HMCN2: variants seen among roughly 807,000 people sequenced by gnomAD.
HMCN2 encodes the protein hemicentin 2, also known as hemicentin-2.
In HMCN2, 325 loss-of-function variants were observed where a neutral mutation model predicts 377.5. That is an observed-to-expected ratio of 0.86 (90% CI 0.79 to 0.94). HMCN2 has a LOEUF of 0.94. Among genes scored for constraint, HMCN2 ranks in the 40% least tolerant of loss-of-function variants. HMCN2 has a pLI of 0.00. For synonymous variants in HMCN2, 2,007 were observed against 2,046.8 expected (o/e 0.98, Z 0.53); for missense variants, 4,543 against 4,725.3 (o/e 0.96, Z 1.13).
Position 130,374,367 on chromosome 9 carries a change from T to G in HMCN2, c.7439-135T>G, listed in dbSNP as rs902369117. 7.6e-5 allele frequency: 21 copies of G among 278,114 alleles called. No individual in the cohort carries two copies. The East Asian group carries it at 1.8e-3, about 23-fold the overall frequency. 17.2% of individuals were successfully genotyped at this position (278,114 alleles called of 1,614,324 possible). On this transcript the variant is annotated intron_variant, in intron 48 of 97. Coordinates refer to ENST00000683500, the MANE Select transcript of HMCN2 (RefSeq NM_001291815.2). ...GGAAGGGGCACAGGCTGCTGCTGCT[T>G]CTTCTTGTGCTTCATGGGCCTCTGG...
rs1837363301 is a variant in HMCN2, at chr9:130,313,335, TGTGCCAGGAGGGCCTGCAC to T, written c.2350+3275_2350+3293del. Among the ~76,000 whole-genome samples, 3 of 146,692 alleles carry T rather than the reference TGTGCCAGGAGGGCCTGCAC, an allele frequency of 2.0e-5. 1 individual carries two copies. The highest frequency in any genetic ancestry group is 4.6e-5 in the Non-Finnish European group (3 of 64,788). On this transcript the variant is annotated intron_variant, in intron 15 of 97. Coordinates refer to ENST00000683500, the MANE Select transcript of HMCN2 (RefSeq NM_001291815.2). Reference sequence around the variant, plus strand: ...TAGGAAGGGAGGCATCCTACTCCTCTGTGCCAGGAGGGCCTGCACTTGTGGACCAGCCTGCGAGGCACTG... The same window carrying T: ...TAGGAAGGGAGGCATCCTACTCCTCTTTGTGGACCAGCCTGCGAGGCACTG...
Position 130,349,027 on chromosome 9 carries a change from C to A in HMCN2, c.4199C>A (p.Ser1400Tyr). The A allele has an allele frequency of 7.7e-7, 1 of 1,304,228 alleles. No individual in the cohort carries two copies. The highest frequency in any genetic ancestry group is 1.0e-6 in the Non-Finnish European group (1 of 988,934). 80.8% of individuals were successfully genotyped at this position (1,304,228 alleles called of 1,614,324 possible). The change falls in exon 28 of 98, where the codon TCC becomes TAC. Residue 1400 changes from serine (S) to tyrosine (Y), a missense_variant. Around this residue, in one of 5 missense-constraint regions of HMCN2, gnomAD observed 1,032 missense variants for 1,285.1 expected, o/e 0.80. Coordinates refer to ENST00000683500, the MANE Select transcript of HMCN2 (RefSeq NM_001291815.2). ...GGHRLLDEGQ[S>Y]LHFPRIQEGD... ...CACCGCCTCCTGGACGAGGGCCAGT[C>A]CCTCCACTTCCCCAGGATCCAGGAG...
intron 97 of HMCN2, 36 bp downstream of exon 97, chr9:130,432,591 GA>G: frequency 1.3e-6 from 2 of 1,544,192 alleles, no homozygotes; most frequent in Non-Finnish European, 1.7e-6. Flanking sequence ...GTGCCCTCAG[GA>G]AAAGCACATT....
Position 130,404,870 on chromosome 9 carries a change from C to G in HMCN2, c.12150C>G (p.Val4050=), listed in dbSNP as rs1253773622. ...AMGKTRLVVQ[V]PPVIENGLPD... ...GAGTGGGCCTCCCTCTGCCCGCAGT[C>G]CCACCAGTGATCGAGAATGGCCTCC... The change falls in exon 81 of 98, where the codon GTC becomes GTG. Residue 4050 remains valine (V), a splice_region_variant and synonymous_variant. Transcript: ENST00000683500. The G allele has an allele frequency of 8.0e-7, 1 of 1,257,320 alleles. No individual in the cohort carries two copies. The highest frequency in any genetic ancestry group is 1.0e-6 in the Non-Finnish European group (1 of 970,560). 77.9% of individuals were successfully genotyped at this position (1,257,320 alleles called of 1,614,324 possible).
At position 130,394,293 on chromosome 9, in the gene HMCN2, C is replaced by A; in HGVS notation, c.10502-92C>A. ...AACAAGGGCCACCAAAATGTGGGAGCAGAGCCCCTGGACTCAGCACAGTGT... is the reference window on the plus strand; with the variant it reads ...AACAAGGGCCACCAAAATGTGGGAGAAGAGCCCCTGGACTCAGCACAGTGT... On this transcript the variant is annotated intron_variant, in intron 68 of 97. Coordinates refer to ENST00000683500, the MANE Select transcript of HMCN2 (RefSeq NM_001291815.2). The surrounding 1 kb of genome is among the most constrained non-coding windows in gnomAD (Gnocchi z 5.1). The A allele has an allele frequency of 1.2e-6, 1 of 835,488 alleles. No homozygotes were observed. Among genetic ancestry groups the A allele is most frequent in the Non-Finnish European group, 1.7e-6 (1 of 605,466 alleles). 51.8% of individuals were successfully genotyped at this position (835,488 alleles called of 1,614,324 possible).
At chr9:130,375,848 G>A in intron 50 of HMCN2, 28 bp from the exon 51 acceptor site, 1 of 984,474 alleles carries the variant, frequency 1.0e-6, no homozygotes, top group Non-Finnish European at 1.2e-6. Flanking sequence ...CAGATTTGGG[G>A]TGACCCTGGC....
intron 53 of HMCN2, among the ~76,000 whole-genome samples, 199 bp downstream of exon 53, chr9:130,377,998 G>A (rs930414965): frequency 6.6e-6 from 1 of 152,174 alleles, no homozygotes; most frequent in Non-Finnish European, 1.5e-5. Context: ...AGACATGAGG[G>A]CTGTGGCCCC....
intron 25 of HMCN2, among the ~76,000 whole-genome samples, chr9:130,346,877 ACTGGGGAC>A (rs1397780559): frequency 6.6e-6 from 1 of 151,896 alleles, no homozygotes; most frequent in African/African-American, 2.4e-5. Context: ...AAATGAGGGG[ACTGGGGAC>A]TTGCTGTGAA....
intron 22 of HMCN2, among the ~76,000 whole-genome samples, chr9:130,331,224 T>A (rs1838412237): frequency 6.6e-6 from 1 of 151,488 alleles, no homozygotes; most frequent in Non-Finnish European, 1.5e-5. Flanking sequence ...AAGTCATTGC[T>A]CTGTGTGGGG....
chr9:130,429,739 C>T lies in HMCN2; in HGVS notation c.14326+54C>T. 21 of 1,297,252 alleles carry T rather than the reference C, an allele frequency of 1.6e-5. 2 individuals carry two copies. The highest frequency in any genetic ancestry group is 5.6e-5 in the Admixed American group (2 of 35,648). The allele number at this position is 1,297,252 out of a possible 1,614,324, so 80.4% of individuals were successfully genotyped here. A position where few individuals can be genotyped will look rare whatever the true frequency, so the allele number is the denominator to read the frequency against. Reference sequence around the variant, plus strand: ...CCGCTGCAGCTGCCCCAGGGGTTACCGGATGCAGGGCCCCAGCCTGCCCTG... The same window carrying T: ...CCGCTGCAGCTGCCCCAGGGGTTACTGGATGCAGGGCCCCAGCCTGCCCTG... On this transcript the variant is annotated intron_variant, in intron 94 of 97. Transcript: ENST00000683500.
rs34878027 is a variant in HMCN2, at chr9:130,410,434, C to T, written c.12880-137C>T. The T allele has an allele frequency of 5.4e-3, 3,632 of 671,196 alleles. 101 individuals carry two copies. In the African/African-American group the frequency reaches 0.056, roughly 10 times the overall value. The allele number at this position is 671,196 out of a possible 1,614,324, so 41.6% of individuals were successfully genotyped here. ...TCACAGAGGCCCTTCTGATGCTCTG[C>T]GGGGGATCAGGTGCCCCTGGCTGGT... On this transcript the variant is annotated intron_variant, in intron 84 of 97. Coordinates refer to ENST00000683500, the MANE Select transcript of HMCN2 (RefSeq NM_001291815.2).
At chr9:130,324,837 G>C (rs1223511911) in intron 19 of HMCN2, among the ~76,000 whole-genome samples, 1 of 151,972 alleles carries the variant, frequency 6.6e-6, no homozygotes, top group African/African-American at 2.4e-5. Flanking sequence ...GTTGGCCAAG[G>C]TGGTCTCGAA....
chr9:130,312,592 CTTT>C (rs1455260611), intron 15 of HMCN2, among the ~76,000 whole-genome samples: 9 of 89,598 alleles, frequency 1.0e-4, no homozygotes, highest in African/African-American at 3.5e-4. Flanking sequence ...TTCTTTCTTT[CTTT>C]CTTTCTTTCT....
chr9:130,373,615 GGA>G, intron 48 of HMCN2, among the ~76,000 whole-genome samples: 2 of 148,664 alleles, frequency 1.3e-5, no homozygotes. Flanking sequence ...GTGGATGGAT[GGA>G]TGGATGGATG....
intron 22 of HMCN2, among the ~76,000 whole-genome samples, chr9:130,329,585 G>A (rs1159141052): frequency 6.6e-6 from 1 of 152,086 alleles, no homozygotes; most frequent in African/African-American, 2.4e-5. Flanking sequence ...TGGGATTACA[G>A]GCACCTGCCA....
chr9:130,350,886 G>A (rs1352836339), intron 29 of HMCN2, among the ~76,000 whole-genome samples: 1 of 152,010 alleles, frequency 6.6e-6, no homozygotes, highest in African/African-American at 2.4e-5. Flanking sequence ...CTGGGCAATA[G>A]AGCAAGACTC....
intron 85 of HMCN2, among the ~76,000 whole-genome samples, chr9:130,411,689 G>C (rs1843421408): frequency 6.6e-6 from 1 of 151,188 alleles, no homozygotes; most frequent in African/African-American, 2.4e-5. Context: ...ATTATGCGAA[G>C]TGGAAAAAGC....
Position 130,391,212 on chromosome 9 carries a change from C to CG in HMCN2, c.9678dup (p.Ile3227AspfsTer23). On this transcript the variant is annotated frameshift_variant, in exon 64 of 98. Transcript: ENST00000683500. LOFTEE classifies it high-confidence loss of function. ...CTGCACCCCTGCCTCAGTGGCCCCC[C>CG]GGATCCGGAGCTCGGGCGTGGCGCG... 2.0e-6 allele frequency: 2 copies of CG among 987,934 alleles called. No homozygotes were observed. The highest frequency in any genetic ancestry group is 2.4e-6 in the Non-Finnish European group (2 of 830,260). 61.2% of individuals were successfully genotyped at this position (987,934 alleles called of 1,614,324 possible).
intron 25 of HMCN2, 35 bp downstream of exon 25, chr9:130,342,471 G>C (rs1437665580): frequency 6.6e-6 from 1 of 152,234 alleles, no homozygotes; most frequent in African/African-American, 2.4e-5. Flanking sequence ...TGGGGAGGTG[G>C]GGTGGGCTGG....
Sources: gnomAD v4.1 joint callset for allele counts (sites outside exome capture counted in the v4.1 genomes callset) on GRCh38, gnomAD v4.1.1 for gene constraint, gnomAD v4.1.1 regional missense constraint, Gnocchi (gnomAD v3.1) non-coding constraint, MANE v1.5 for transcripts, NCBI Gene and HGNC (gene_info 2026-07-23, HGNC 2026-07-21) for gene names.